Variants in TNS1 observed in about 807,000 individuals in gnomAD.
TNS1 encodes the protein tensin 1.
In TNS1, 62 loss-of-function variants were observed where a neutral mutation model predicts 168.6. That is an observed-to-expected ratio of 0.37 (90% confidence interval 0.30 to 0.45). The LOEUF is 0.45. Among genes scored for constraint, TNS1 ranks in the 20% least tolerant of loss-of-function variants. The pLI, the probability that TNS1 is intolerant of heterozygous loss-of-function variation, is 1.00. For missense variants in TNS1, 2,240 were observed against 2,339.4 expected, an observed-to-expected ratio of 0.96 and a Z score of 0.88; for synonymous variants, 934 against 933.2, an observed-to-expected ratio of 1.00 and a Z score of -0.02.
intron 1 of TNS1, among the ~76,000 whole-genome samples, chr2:218,025,371 C>T (rs557590209): frequency 1.3e-5 from 2 of 152,252 alleles, no homozygotes; most frequent in African/African-American, 4.8e-5. Context: ...GCCTCAGCCT[C>T]CCGAGTTGTT....
rs747945690 is a variant in TNS1 at position 217,920,226 on chromosome 2, G to A, written c.197C>T (p.Pro66Leu). ...HRKCQAKVAAPCVPPSNHELV... is the reference protein window; with the variant it reads ...HRKCQAKVAALCVPPSNHELV... The stretch of plus-strand genomic sequence containing the variant: ...CTCATGGTTGGATGGAGGAACGCAG[G>A]GGGCAGCCACCTGTGGAAGGAACAG... The change falls in exon 4 of 33, where the codon CCC becomes CTC. Residue 66 changes from proline (P) to leucine (L), a missense_variant. Transcript: ENST00000682258. 38 of 703,026 alleles carry A rather than the reference G, an allele frequency of 5.4e-5. No individual in the cohort carries two copies. The highest frequency in any genetic ancestry group is 8.3e-5 in the Non-Finnish European group (32 of 385,006). 43.5% of individuals were successfully genotyped at this position (703,026 alleles called of 1,614,324 possible). A position where few individuals can be genotyped will look rare whatever the true frequency, so the allele number is the denominator to read the frequency against.
intron 22 of TNS1, among the ~76,000 whole-genome samples, chr2:217,827,261 C>T (rs1943752700): frequency 6.6e-6 from 1 of 152,158 alleles, no homozygotes; most frequent in Admixed American, 6.5e-5. Flanking sequence ...TAAAGTGTTT[C>T]GCACAGCGCC....
chr2:218,015,554 G>C (rs1359788270), intron 1 of TNS1, among the ~76,000 whole-genome samples: 1 of 152,084 alleles, frequency 6.6e-6, no homozygotes, highest in Non-Finnish European at 1.5e-5. Context: ...TGTCTTGCCT[G>C]AGGAAGGAGA....
intron 1 of TNS1, among the ~76,000 whole-genome samples, chr2:218,027,038 C>T (rs545436734): frequency 1.4e-4 from 22 of 152,080 alleles, no homozygotes; most frequent in South Asian, 2.1e-4. Context: ...GAAGGGCAGC[C>T]GGCTTCTGGG....
intron 9 of TNS1, among the ~76,000 whole-genome samples, chr2:217,894,260 A>G (rs369556273): frequency 1.1e-3 from 163 of 152,342 alleles, no homozygotes; most frequent in African/African-American, 3.8e-3. Context: ...AGAGAAGTCC[A>G]TCACCCACCC....
intron 3 of TNS1, among the ~76,000 whole-genome samples, chr2:217,952,680 G>A (rs1238709060): frequency 1.3e-5 from 2 of 152,294 alleles, no homozygotes; most frequent in African/African-American, 2.4e-5. Context: ...TACGCTGGTA[G>A]GCTTCAAGGT....
intron 1 of TNS1, among the ~76,000 whole-genome samples, chr2:217,998,221 GTCTCTCTCTC>G (rs60663810): frequency 6.7e-6 from 1 of 149,460 alleles, no homozygotes; most frequent in Non-Finnish European, 1.5e-5. Context: ...CTCCATCAGT[GTCTCTCTCTC>G]TCTCTCTCTC....
chr2:217,972,242 A>T (rs1323966387), intron 3 of TNS1, among the ~76,000 whole-genome samples: 3 of 152,172 alleles, frequency 2.0e-5, no homozygotes, highest in African/African-American at 4.8e-5. Context: ...ACAGCCAGTT[A>T]TTGATGCAGC....
chr2:218,008,090 G>C (rs1272984301), intron 1 of TNS1, among the ~76,000 whole-genome samples: 3 of 152,120 alleles, frequency 2.0e-5, no homozygotes, highest in Non-Finnish European at 2.9e-5. Context: ...AGTATCCCCA[G>C]CTGACACGAG....
chr2:217,887,274 A>T (rs909986425), intron 12 of TNS1, among the ~76,000 whole-genome samples: 15 of 152,272 alleles, frequency 9.9e-5, no homozygotes, highest in African/African-American at 3.4e-4. Flanking sequence ...TCTAATAAGT[A>T]TCTATCTCTA....
intron 3 of TNS1, among the ~76,000 whole-genome samples, chr2:217,957,567 G>A (rs1028727559): frequency 7.9e-5 from 12 of 152,128 alleles, no homozygotes; most frequent in African/African-American, 2.7e-4. Context: ...GATTACTATG[G>A]AAATAGACAG....
At chr2:217,997,183 A>C (rs1958486086) in intron 1 of TNS1, among the ~76,000 whole-genome samples, 2 of 152,090 alleles carry the variant, frequency 1.3e-5, no homozygotes. Flanking sequence ...CTGTCTCCTC[A>C]TTTTAGTTTG....
intron 1 of TNS1, among the ~76,000 whole-genome samples, chr2:218,001,173 A>T (rs145548073): frequency 1.3e-5 from 2 of 151,882 alleles, no homozygotes; most frequent in East Asian, 3.9e-4. Flanking sequence ...AAAATGAATA[A>T]ATAAAAATAA....
intron 4 of TNS1, among the ~76,000 whole-genome samples, chr2:217,909,602 C>CACAG: frequency 6.6e-6 from 1 of 150,984 alleles, no homozygotes; most frequent in Non-Finnish European, 1.5e-5. Context: ...CACACACACA[C>CACAG]AGTTAGACCT....
At chr2:217,888,884 A>G (rs1951477410) in intron 12 of TNS1, among the ~76,000 whole-genome samples, 1 of 152,178 alleles carries the variant, frequency 6.6e-6, no homozygotes, top group Non-Finnish European at 1.5e-5. Flanking sequence ...AAATAATCCT[A>G]TTCCTGAGAG....
chr2:217,879,117 C>G (rs1172772801), intron 18 of TNS1, among the ~76,000 whole-genome samples: 1 of 152,208 alleles, frequency 6.6e-6, no homozygotes, highest in South Asian at 2.1e-4. Context: ...TGACCGTCTG[C>G]TCTTCTTCCT....
chr2:217,950,000 C>A (rs964307806), intron 3 of TNS1, among the ~76,000 whole-genome samples: 3 of 152,266 alleles, frequency 2.0e-5, no homozygotes, highest in South Asian at 2.1e-4. Context: ...GGCACAGGCA[C>A]TTTTGGTTGT....
rs1245017180 is a variant in TNS1, at chr2:217,817,828, C to A, written c.4504G>T (p.Ala1502Ser). ...GTGGCATAGTTGGGGAGGCTGCCTG[C>A]CCGGTCTCCCACTGACATCCTTCGC... ...EKRRMSVGDR[A>S]GSLPNYATIN... The change falls in exon 24 of 33, where the codon GCA (alanine) becomes TCA (serine). Residue 1502 changes from alanine to serine, a missense_variant. Physicochemically the swap from Ala to Ser is moderately conservative, Grantham distance 99. Transcript: ENST00000682258. 5 of 1,614,214 alleles carry A rather than the reference C, an allele frequency of 3.1e-6. No homozygotes were observed. The South Asian group carries it at 3.3e-5, about 11-fold the overall frequency.
chr2:218,020,154 G>A (rs182762026), intron 1 of TNS1, among the ~76,000 whole-genome samples: 302 of 152,278 alleles, frequency 2.0e-3, no homozygotes, highest in African/African-American at 6.2e-3. Context: ...AGCGGAAAGA[G>A]CAATGAGAGC....
Sources: gnomAD v4.1 joint callset for allele counts (sites outside exome capture counted in the v4.1 genomes callset) on GRCh38, gnomAD v4.1.1 for gene constraint, MANE v1.5 for transcripts, NCBI Gene and HGNC (gene_info 2026-07-23, HGNC 2026-07-21) for gene names.